AP3B2: variants seen among roughly 807,000 people sequenced by gnomAD.
AP3B2 encodes adaptor related protein complex 3 subunit beta 2.
Under a neutral mutation model 126.9 loss-of-function variants are expected in AP3B2, and 50 were observed. That is an observed-to-expected ratio of 0.39 (90% CI 0.31 to 0.50). AP3B2 has a LOEUF of 0.50. AP3B2 is among the 20% of genes least tolerant of loss of function. The probability of loss-of-function intolerance (pLI) is 0.79; values close to 1 mark genes in which losing one functional copy is unlikely to be tolerated. For missense variants in AP3B2, 1,177 were observed against 1,426.4 expected, an observed-to-expected ratio of 0.83 and a Z score of 2.82; for synonymous variants, 541 against 565.0, an observed-to-expected ratio of 0.96 and a Z score of 0.60.
At chr15:82,701,197 C>T (rs2048715356) in intron 1 of AP3B2, among the ~76,000 whole-genome samples, 1 of 152,166 alleles carries the variant, frequency 6.6e-6, no homozygotes, top group Admixed American at 6.5e-5. Context: ...CTCCTGCCCT[C>T]TTCCCTCTGG....
chr15:82,700,397 C>CTGTTTTTTTTTTTTTTTTTTTT (rs2048699976), intron 1 of AP3B2, among the ~76,000 whole-genome samples: 3 of 35,094 alleles, frequency 8.5e-5, no homozygotes, highest in Non-Finnish European at 1.0e-4. Flanking sequence ...TGGTGGGTGG[C>CTGTTTTTTTTTTTTTTTTTTTT]TTTTTTTTTT....
At position 82,659,956 on chromosome 15, in the gene AP3B2, G is replaced by C. The variant is rs554207048; in HGVS notation, c.3044C>G (p.Thr1015Arg). The C allele has an allele frequency of 1.2e-6, 2 of 1,613,938 alleles. No homozygotes were observed. Among genetic ancestry groups the C allele is most frequent in the Non-Finnish European group, 1.7e-6 (2 of 1,179,874 alleles). ...QGKLMGMNEI[T>R]EKLMLPDTCR... ...GGTGTCTGGCAGCATGAGTTTCTCTGTGATCTCATTCATGCCCATCAGCTT... is the reference window on the plus strand; with the variant it reads ...GGTGTCTGGCAGCATGAGTTTCTCTCTGATCTCATTCATGCCCATCAGCTT... The change falls in exon 26 of 27, where the codon ACA becomes AGA. Residue 1015 changes from threonine (T) to arginine (R), a missense_variant. Thr to Arg is a moderately conservative substitution (Grantham distance 71). This residue lies in a region of AP3B2 where 587 missense variants were observed against 571.3 expected (regional missense o/e 1.03). Coordinates refer to ENST00000535359, the MANE Select transcript of AP3B2 (RefSeq NM_001278512.2).
At position 82,680,443 on chromosome 15, in the gene AP3B2, GA is replaced by G; in HGVS notation, c.1055+28del. Reference sequence around the variant, plus strand: ...CCGTGGGGCGGGGCAGGAGGCGAGGGAGGGGGCGGGGCTGGGGGCGGAGCGC... The same window carrying G: ...CCGTGGGGCGGGGCAGGAGGCGAGGGGGGGGCGGGGCTGGGGGCGGAGCGC... On this transcript the variant is annotated intron_variant, in intron 8 of 26. Coordinates refer to ENST00000535359, the MANE Select transcript of AP3B2 (RefSeq NM_001278512.2). The surrounding 1 kb of genome is among the most constrained non-coding windows in gnomAD (Gnocchi z 6.1). The G allele has an allele frequency of 6.9e-7, 1 of 1,454,108 alleles. No individual in the cohort carries two copies. The highest frequency in any genetic ancestry group is 1.4e-5 in the South Asian group (1 of 71,758). The allele number at this position is 1,454,108 out of a possible 1,614,324, so 90.1% of individuals were successfully genotyped here.
In AP3B2 at chr15:82,665,434, C is replaced by T; in HGVS notation, c.1971+23G>A. 1 of 1,476,768 alleles carries T rather than the reference C, an allele frequency of 6.8e-7. No homozygotes were observed. The highest frequency in any genetic ancestry group is 9.4e-7 in the Non-Finnish European group (1 of 1,068,984). The allele number at this position is 1,476,768 out of a possible 1,614,324, so 91.5% of individuals were successfully genotyped here. On this transcript the variant is annotated intron_variant, in intron 16 of 26. Transcript: ENST00000535359. The surrounding 1 kb of genome is among the most constrained non-coding windows in gnomAD (Gnocchi z 4.4). ...ACACACACACACACACACACACACA[C>T]TTCAACCCTCCACCCCGCTGACCTC...
intron 14 of AP3B2, among the ~76,000 whole-genome samples, chr15:82,672,581 T>G (rs1259098590): frequency 6.6e-6 from 1 of 152,178 alleles, no homozygotes; most frequent in Non-Finnish European, 1.5e-5. Flanking sequence ...CAATAATTTA[T>G]TATACATTTA....
Position 82,664,247 on chromosome 15 carries a change from C to A in AP3B2, c.2261+120G>T, listed in dbSNP as rs72753907. On this transcript the variant is annotated intron_variant, in intron 19 of 26. Coordinates refer to ENST00000535359, the MANE Select transcript of AP3B2 (RefSeq NM_001278512.2). The surrounding 1 kb of genome is among the most constrained non-coding windows in gnomAD (Gnocchi z 4.5). ...AAGTAGGCGTCATGTGAGCTGACAG[C>A]CCCACCCAGCTCACGAGGGGCTCAG... is the stretch of plus-strand genomic sequence containing the variant. The A allele has an allele frequency of 8.8e-3, 13,108 of 1,489,890 alleles. 81 individuals are homozygous for A. The highest frequency in any genetic ancestry group is 0.011 in the African/African-American group (809 of 72,562). The allele number at this position is 1,489,890 out of a possible 1,614,324, so 92.3% of individuals were successfully genotyped here.
intron 14 of AP3B2, among the ~76,000 whole-genome samples, chr15:82,676,258 C>T (rs2048240824): frequency 6.6e-6 from 1 of 152,110 alleles, no homozygotes; most frequent in Non-Finnish European, 1.5e-5. Context: ...AGGAGAGTCT[C>T]TTCAACAGTG....
Position 82,659,840 on chromosome 15 carries a change from AG to A in AP3B2, c.3155+4del. 9 of 1,613,884 alleles carry A rather than the reference AG, an allele frequency of 5.6e-6. No homozygotes were observed. The highest frequency in any genetic ancestry group is 7.6e-6 in the Non-Finnish European group (9 of 1,179,796). ...ATCATTTCCCCTCTACTGGTGGCCT[AG>A]TACCTGTACTCATCAGATGTCCCAC... On this transcript the variant is annotated splice_donor_region_variant and intron_variant, in intron 26 of 26. Coordinates refer to ENST00000535359, the MANE Select transcript of AP3B2 (RefSeq NM_001278512.2).
chr15:82,661,835 C>G lies in AP3B2; in HGVS notation c.3006G>C (p.Lys1002Asn), dbSNP rs778394933. ...CCAGGGAGCACTCACCCTGTTCCTT[C>G]TTAAACTCATTTTCACTCATGAACA... ...APVFMSENEF[K>N]KEQGKLMGMN... The change falls in exon 25 of 27, where the codon AAG (lysine) becomes AAC (asparagine). Residue 1002 changes from lysine (K) to asparagine (N), a missense_variant. Physicochemically the swap from Lys to Asn is moderately conservative, Grantham distance 94. Around this residue, in one of 5 missense-constraint regions of AP3B2, gnomAD observed 587 missense variants for 571.3 expected, o/e 1.03. Coordinates refer to ENST00000535359, the MANE Select transcript of AP3B2 (RefSeq NM_001278512.2). 6.2e-7 allele frequency: 1 copy of G among 1,612,974 alleles called. No individual in the cohort carries two copies. The highest frequency in any genetic ancestry group is 8.5e-7 in the Non-Finnish European group (1 of 1,179,514).
chr15:82,700,094 C>G (rs1173449942), intron 1 of AP3B2, among the ~76,000 whole-genome samples: 2 of 152,124 alleles, frequency 1.3e-5, no homozygotes, highest in African/African-American at 2.4e-5. Flanking sequence ...ACTAGATGGT[C>G]AGTGGAGTTG....
Position 82,676,509 on chromosome 15 carries a change from C to T in AP3B2, c.1617G>A (p.Leu539=). Residue 539 remains leucine, a synonymous_variant, in exon 14 of 27, where the codon CTG becomes CTA. Coordinates refer to ENST00000535359, the MANE Select transcript of AP3B2 (RefSeq NM_001278512.2). ...GCTTGGCTGCCAGGTTGATGACCTG[C>T]AGCTTGACAATATCCTCCTCTGCTG... ...SFTAEEDIVK[L]QVINLAAKLY... 6.2e-7 allele frequency: 1 copy of T among 1,614,014 alleles called. No homozygotes were observed. The highest frequency in any genetic ancestry group is 1.1e-5 in the South Asian group (1 of 91,086).
At chr15:82,708,733 C>T (rs932509505) in intron 1 of AP3B2, 1 of 152,402 alleles carries the variant, frequency 6.6e-6, no homozygotes, top group African/African-American at 2.4e-5. Context: ...GCCTGGCTCT[C>T]AACCTTCCTG....
rs745791019 is a variant in AP3B2, at chr15:82,680,773, C to T, written c.772-18G>A. 6.9e-6 allele frequency: 11 copies of T among 1,597,880 alleles called. No homozygotes were observed. The highest frequency in any genetic ancestry group is 9.4e-6 in the Non-Finnish European group (11 of 1,172,768). ...AGGGATTCCTGGACGGGGAGACCGA[C>T]GGGTCTGTGGGCGCCTCCCCGGGAC... On this transcript the variant is annotated intron_variant, in intron 7 of 26. Coordinates refer to ENST00000535359, the MANE Select transcript of AP3B2 (RefSeq NM_001278512.2). This position sits in a 1 kb window ranked among gnomAD's most constrained non-coding sequence, Gnocchi z 6.1.
intron 25 of AP3B2, 137 bp downstream of exon 25, chr15:82,661,688 A>G: frequency 1.5e-6 from 1 of 667,086 alleles, no homozygotes; most frequent in Non-Finnish European, 2.6e-6. Context: ...TAAAACATTT[A>G]TCTTTGGCCC....
At chr15:82,690,324 T>C (rs969386810) in intron 1 of AP3B2, among the ~76,000 whole-genome samples, 1 of 152,176 alleles carries the variant, frequency 6.6e-6, no homozygotes, top group African/African-American at 2.4e-5. Flanking sequence ...TACATATGTA[T>C]ACATGTGCCA....
intron 4 of AP3B2, among the ~76,000 whole-genome samples, chr15:82,682,285 G>T (rs546597077): frequency 1.3e-3 from 190 of 151,966 alleles, no homozygotes; most frequent in Non-Finnish European, 2.0e-3. Flanking sequence ...ACTCCTGGCC[G>T]CAAGTGATCC....
intron 1 of AP3B2, among the ~76,000 whole-genome samples, chr15:82,698,161 C>A (rs964163566): frequency 6.6e-6 from 1 of 151,918 alleles, no homozygotes; most frequent in African/African-American, 2.4e-5. Context: ...TACAAACATA[C>A]CTACAGGTCC....
rs2048329593 is a variant in AP3B2 at position 82,680,998 on chromosome 15, T to G, written c.610A>C (p.Met204Leu). ...TCCGGGCAGACCTCCTCAAAGGCCATCACCACACTGCCCGCCACCAGCTGG... is the reference window on the plus strand; with the variant it reads ...TCCGGGCAGACCTCCTCAAAGGCCAGCACCACACTGCCCGCCACCAGCTGG... ...KTTLVAGSVV[M>L]AFEEVCPERI... Residue 204 changes from methionine to leucine, a missense_variant, in exon 7 of 27, where the codon ATG becomes CTG. This residue lies in a region of AP3B2 where 130 missense variants were observed against 262.0 expected (regional missense o/e 0.50). Transcript: ENST00000535359. This position sits in a 1 kb window ranked among gnomAD's most constrained non-coding sequence, Gnocchi z 6.1. 1.2e-6 allele frequency: 2 copies of G among 1,613,786 alleles called. No homozygotes were observed.
At chr15:82,701,661 GA>G (rs1434885254) in intron 1 of AP3B2, among the ~76,000 whole-genome samples, 1 of 152,180 alleles carries the variant, frequency 6.6e-6, no homozygotes, top group Admixed American at 6.5e-5. Flanking sequence ...AAAAGTATAC[GA>G]ATAGATGGTT....
Sources: allele counts gnomAD v4.1 joint callset (sites outside exome capture counted in the v4.1 genomes callset), GRCh38; gene constraint gnomAD v4.1.1; regional missense constraint gnomAD v4.1.1; non-coding constraint Gnocchi (gnomAD v3.1); transcripts MANE v1.5; gene names NCBI Gene and HGNC (gene_info 2026-07-23, HGNC 2026-07-21).